ANKFY1: variants seen among roughly 807,000 people sequenced by gnomAD.
ANKFY1 encodes the protein ankyrin repeat and FYVE domain containing 1, also known as ankyrin repeat and FYVE domain-containing protein 1.
In ANKFY1, 47 loss-of-function variants were observed where a neutral mutation model predicts 128.3. The ratio of observed to expected loss-of-function variants is 0.37; its 90% CI spans 0.29 to 0.47. The LOEUF is 0.47. Among genes scored for constraint, ANKFY1 ranks in the 20% least tolerant of loss-of-function variants. ANKFY1 has a pLI of 1.00. For synonymous variants in ANKFY1, 553 were observed against 601.6 expected (o/e 0.92, Z 1.18); for missense variants, 1,222 against 1,510.6 (o/e 0.81, Z 3.17).
chr17:4,261,216 T>C (rs1464854357), intron 1 of ANKFY1, among the ~76,000 whole-genome samples: 3 of 152,044 alleles, frequency 2.0e-5, no homozygotes, highest in African/African-American at 7.2e-5. Flanking sequence ...CGGCCGGGTG[T>C]GGTGGCTCAC....
rs561663720 is a variant in ANKFY1, at chr17:4,222,836, G to C, written c.323-5718C>G. 270 of 966,554 alleles carry C rather than the reference G, an allele frequency of 2.8e-4. No individual in the cohort carries two copies. In the African/African-American group the frequency reaches 3.9e-3, roughly 14 times the overall value. 59.9% of individuals were successfully genotyped at this position (966,554 alleles called of 1,614,324 possible). A position where few individuals can be genotyped will look rare whatever the true frequency, so the allele number is the denominator to read the frequency against. ...TTAGTGCCAGCAGGAGTTCCCAAGGGTTGTCTCAGCCATCCACCCAGACGA... is the reference window on the plus strand; with the variant it reads ...TTAGTGCCAGCAGGAGTTCCCAAGGCTTGTCTCAGCCATCCACCCAGACGA... On this transcript the variant is annotated intron_variant, in intron 3 of 24. Coordinates refer to ENST00000341657, the MANE Select transcript of ANKFY1 (RefSeq NM_001330063.2).
chr17:4,231,542 A>T (rs2060512428), intron 3 of ANKFY1, among the ~76,000 whole-genome samples: 1 of 152,210 alleles, frequency 6.6e-6, no homozygotes, highest in East Asian at 1.9e-4. Context: ...AGTGGATCAT[A>T]TCAGGTACAA....
chr17:4,228,252 G>T (rs757513971), intron 3 of ANKFY1, among the ~76,000 whole-genome samples: 3 of 152,146 alleles, frequency 2.0e-5, no homozygotes, highest in Non-Finnish European at 4.4e-5. Flanking sequence ...CCAGACAAAA[G>T]GGACTCTATG....
chr17:4,235,410 G>T (rs1303106615), intron 3 of ANKFY1, among the ~76,000 whole-genome samples: 1 of 151,728 alleles, frequency 6.6e-6, no homozygotes, highest in African/African-American at 2.4e-5. Flanking sequence ...TTGACAGCAG[G>T]ACTTTTTATT....
chr17:4,182,229 C>A lies in ANKFY1; in HGVS notation c.2073G>T (p.Pro691=). ...MSVPDEKGNP[P]LWLALANNLE... ...GATTGTTTGCCAATGCAAGCCACAGCGGGGGGTTCCCCTTCTCATCTGGCA... is the reference window on the plus strand; with the variant it reads ...GATTGTTTGCCAATGCAAGCCACAGAGGGGGGTTCCCCTTCTCATCTGGCA... Residue 691 remains proline (P), a synonymous_variant, in exon 15 of 25, where the codon CCG becomes CCT. Coordinates refer to ENST00000341657, the MANE Select transcript of ANKFY1 (RefSeq NM_001330063.2). 1.3e-6 allele frequency: 2 copies of A among 1,581,692 alleles called. No homozygotes were observed. Among genetic ancestry groups the A allele is most frequent in the Non-Finnish European group, 1.7e-6 (2 of 1,161,348 alleles).
At chr17:4,209,454 CTGA>C in intron 5 of ANKFY1, among the ~76,000 whole-genome samples, 1 of 152,348 alleles carries the variant, frequency 6.6e-6, no homozygotes, top group South Asian at 2.1e-4. Flanking sequence ...GCACGCACCA[CTGA>C]GCCCAGCTAA....
Position 4,173,896 on chromosome 17 carries a change from G to T in ANKFY1, c.2923+13C>A. 1 of 1,610,514 alleles carries T rather than the reference G, an allele frequency of 6.2e-7. No homozygotes were observed. Among genetic ancestry groups the T allele is most frequent in the South Asian group, 1.1e-5 (1 of 90,852 alleles). On this transcript the variant is annotated intron_variant, in intron 20 of 24. Coordinates refer to ENST00000341657, the MANE Select transcript of ANKFY1 (RefSeq NM_001330063.2). ...GGGATCGTTCAAGCCACTAAAGAATGACTGGGAGTTACCATTGTTTCCATT... is the reference window on the plus strand; with the variant it reads ...GGGATCGTTCAAGCCACTAAAGAATTACTGGGAGTTACCATTGTTTCCATT...
Position 4,242,359 on chromosome 17 carries a change from A to G in ANKFY1, c.100T>C (p.Cys34Arg). 1 of 1,604,832 alleles carries G rather than the reference A, an allele frequency of 6.2e-7. No individual in the cohort carries two copies. The highest frequency in any genetic ancestry group is 1.1e-5 in the South Asian group (1 of 89,538). ...QKKLAETEKR[C>R]ALLAAQANKE... ...TTTGCCTGCGCAGCCAAGAGAGCGC[A>G]GCGCTTCTCTGTCTCCGCCAGCTTC... Residue 34 changes from cysteine to arginine, a missense_variant, in exon 2 of 25, where the codon TGC (cysteine) becomes CGC (arginine). By Grantham distance (180) the Cys-to-Arg change is radical (BLOSUM62 -3). Coordinates refer to ENST00000341657, the MANE Select transcript of ANKFY1 (RefSeq NM_001330063.2).
At chr17:4,193,419 CTTTTTTTT>C (rs34747890) in intron 10 of ANKFY1, among the ~76,000 whole-genome samples, 2 of 108,244 alleles carry the variant, frequency 1.8e-5, no homozygotes, top group Admixed American at 1.9e-4. Flanking sequence ...CCAGTCGACT[CTTTTTTTT>C]TTTTTTTTTT....
chr17:4,216,994 G>T lies in ANKFY1; in HGVS notation c.447C>A (p.Leu149=). ...CTGCTGTGACTTGCCTCTCCCTGAGGAGCTGTAGCTGAAACCGATTTGCTA... is the reference window on the plus strand; with the variant it reads ...CTGCTGTGACTTGCCTCTCCCTGAGTAGCTGTAGCTGAAACCGATTTGCTA... ...MKLANRFQLQ[L]LRERCEKGVM... Residue 149 remains leucine (L), a synonymous_variant, in exon 4 of 25, where the codon CTC becomes CTA. Transcript: ENST00000341657. The T allele has an allele frequency of 6.2e-7, 1 of 1,614,136 alleles. No individual in the cohort carries two copies. Among genetic ancestry groups the T allele is most frequent in the Non-Finnish European group, 8.5e-7 (1 of 1,180,020 alleles).
intron 3 of ANKFY1, chr17:4,223,719 C>G: frequency 6.3e-7 from 1 of 1,595,122 alleles, no homozygotes; most frequent in Non-Finnish European, 8.6e-7. Context: ...CCTGATGAAC[C>G]ATTTGCTGTG....
chr17:4,182,189 A>T lies in ANKFY1; in HGVS notation c.2113T>A (p.Ser705Thr). The change falls in exon 15 of 25, where the codon TCC becomes ACC. Residue 705 changes from serine to threonine, a missense_variant. Ser to Thr is a moderately conservative substitution (Grantham distance 58). Transcript: ENST00000341657. The stretch of plus-strand genomic sequence containing the variant: ...CGTTGTGCCTGTCTCACCAGAGTGG[A>T]TGCGATGTCCTCCAGATTGTTTGCC... Reference protein sequence around the residue: ...ALANNLEDIASTLVRHGCDAT... With the variant: ...ALANNLEDIATTLVRHGCDAT... The T allele has an allele frequency of 1.3e-6, 2 of 1,532,548 alleles. No individual in the cohort carries two copies. The highest frequency in any genetic ancestry group is 1.8e-6 in the Non-Finnish European group (2 of 1,130,356). The allele number at this position is 1,532,548 out of a possible 1,614,324, so 94.9% of individuals were successfully genotyped here. A position where few individuals can be genotyped will look rare whatever the true frequency, so the allele number is the denominator to read the frequency against.
chr17:4,230,776 A>T (rs996015470), intron 3 of ANKFY1, among the ~76,000 whole-genome samples: 1 of 152,232 alleles, frequency 6.6e-6, no homozygotes, highest in Non-Finnish European at 1.5e-5. Flanking sequence ...GTAAGAAATA[A>T]AAAAGCAAAT....
chr17:4,252,614 T>C (rs948138632), intron 1 of ANKFY1, among the ~76,000 whole-genome samples: 4 of 152,170 alleles, frequency 2.6e-5, no homozygotes, highest in Admixed American at 6.5e-5. Flanking sequence ...ACATTGCTAA[T>C]GGAAATGCAA....
chr17:4,230,709 C>T lies in ANKFY1; in HGVS notation c.322+5063G>A, dbSNP rs572963828. 2.0e-5 allele frequency among the ~76,000 whole-genome samples: 3 copies of T among 152,190 alleles called. No homozygotes were observed. In the South Asian group the frequency reaches 6.2e-4, roughly 32 times the overall value. On this transcript the variant is annotated intron_variant, in intron 3 of 24. Transcript: ENST00000341657. ...TGACATGTTTTGATATATGTATGCA[C>T]TATGAAATGGTTATAAGCTAATTAA...
chr17:4,195,610 C>G, intron 8 of ANKFY1, 139 bp from the exon 9 acceptor site: 1 of 713,090 alleles, frequency 1.4e-6, no homozygotes, highest in African/African-American at 1.8e-5. Flanking sequence ...AAAACCATGA[C>G]CCAGTATCAA....
intron 19 of ANKFY1, 117 bp downstream of exon 19, chr17:4,177,009 C>A: frequency 8.7e-7 from 1 of 1,155,850 alleles, no homozygotes. Context: ...CCTCGCTCCC[C>A]AAATTCCCCA....
chr17:4,228,417 GTT>G (rs36040880), intron 3 of ANKFY1, among the ~76,000 whole-genome samples: 10 of 145,608 alleles, frequency 6.9e-5, no homozygotes, highest in South Asian at 2.2e-4. Context: ...TTTTTTGTTA[GTT>G]TTTTTTTTTT....
chr17:4,219,673 G>A (rs570680147), intron 3 of ANKFY1, among the ~76,000 whole-genome samples: 1 of 151,438 alleles, frequency 6.6e-6, no homozygotes, highest in South Asian at 2.1e-4. Flanking sequence ...CTGCAACCAG[G>A]TTAATTCACC....
Sources: allele counts gnomAD v4.1 joint callset (sites outside exome capture counted in the v4.1 genomes callset), GRCh38; gene constraint gnomAD v4.1.1; transcripts MANE v1.5; gene names NCBI Gene and HGNC (gene_info 2026-07-23, HGNC 2026-07-21).